Variants in COPE observed in about 807,000 individuals in gnomAD.
The protein encoded by COPE is coatomer subunit epsilon.
Under a neutral mutation model 42.1 loss-of-function variants are expected in COPE, and 19 were observed. The ratio of observed to expected loss-of-function variants is 0.45; its 90% CI spans 0.31 to 0.66. The LOEUF (loss-of-function observed/expected upper bound fraction) is 0.66, where lower values mean the gene tolerates loss of function less well. Ranked by LOEUF, COPE falls within the 30% of genes least tolerant of loss-of-function variation. COPE has a pLI of 0.05. For missense variants in COPE, 402 were observed against 416.1 expected (o/e 0.97, Z 0.30); for synonymous variants, 195 against 181.3 (o/e 1.08, Z -0.60).
intron 3 of COPE, among the ~76,000 whole-genome samples, chr19:18,909,592 C>T (rs571154089): frequency 6.6e-5 from 10 of 151,072 alleles, no homozygotes; most frequent in Non-Finnish European, 1.3e-4. Context: ...GATCTTGGCT[C>T]ACTGCAACCT....
intron 5 of COPE, 86 bp from the exon 6 acceptor site, chr19:18,904,938 C>T (rs188669506): frequency 4.8e-5 from 65 of 1,362,394 alleles, no homozygotes; most frequent in East Asian, 2.8e-4. Context: ...TGGGGCCCAC[C>T]GGAGCCTGGG....
chr19:18,902,086 A>G (rs2056704303), intron 7 of COPE, among the ~76,000 whole-genome samples: 1 of 150,446 alleles, frequency 6.6e-6, no homozygotes, highest in African/African-American at 2.5e-5. Context: ...AGGCTGAGGC[A>G]GGAGAATGGC....
chr19:18,916,533 T>C (rs996403895), intron 1 of COPE, among the ~76,000 whole-genome samples: 1 of 152,084 alleles, frequency 6.6e-6, no homozygotes, highest in Non-Finnish European at 1.5e-5. Flanking sequence ...CTCATGCCTA[T>C]AATCCCAGCA....
In COPE at chr19:18,900,469, C is replaced by T. The variant is rs964079909; in HGVS notation, c.736-20G>A. 42 of 1,541,886 alleles carry T rather than the reference C, an allele frequency of 2.7e-5. No individual in the cohort carries two copies. Among genetic ancestry groups the T allele is most frequent in the Non-Finnish European group, 3.4e-5 (39 of 1,141,274 alleles). ...ACTATCCTGGAGACACAGGCAGACACGGGGAGGCAGGGTCAGCCACTCCAG... is the reference window on the plus strand; with the variant it reads ...ACTATCCTGGAGACACAGGCAGACATGGGGAGGCAGGGTCAGCCACTCCAG... On this transcript the variant is annotated intron_variant, in intron 7 of 9. Transcript: ENST00000262812.
At chr19:18,901,158 G>A (rs766323484) in intron 7 of COPE, among the ~76,000 whole-genome samples, 9 of 152,190 alleles carry the variant, frequency 5.9e-5, no homozygotes, top group African/African-American at 9.7e-5. Flanking sequence ...AGAATGCAGG[G>A]TGACCACAGC....
intron 7 of COPE, among the ~76,000 whole-genome samples, chr19:18,902,995 C>T (rs1034445313): frequency 1.3e-5 from 2 of 151,802 alleles, no homozygotes; most frequent in Admixed American, 6.6e-5. Flanking sequence ...TTGCAGGTCC[C>T]GGGCCAGGCA....
intron 6 of COPE, among the ~76,000 whole-genome samples, chr19:18,904,202 T>C (rs971396837): frequency 2.6e-5 from 4 of 152,216 alleles, no homozygotes; most frequent in Admixed American, 6.5e-5. Flanking sequence ...CAACCTCACA[T>C]GATCCACCCG....
chr19:18,906,210 G>C (rs1467490031), intron 4 of COPE: 3 of 345,134 alleles, frequency 8.7e-6, no homozygotes, highest in African/African-American at 2.1e-5. Context: ...TTGTGTGTGA[G>C]TCAGGGTCTG....
intron 9 of COPE, 23 bp downstream of exon 9, chr19:18,899,850 G>C: frequency 1.2e-6 from 2 of 1,612,112 alleles, no homozygotes; most frequent in Non-Finnish European, 1.7e-6. Context: ...GGTTCTCGGG[G>C]ACAGGCCATC....
intron 6 of COPE, among the ~76,000 whole-genome samples, 182 bp downstream of exon 6, chr19:18,904,589 C>T (rs1216752901): frequency 3.9e-5 from 6 of 152,364 alleles, no homozygotes; most frequent in South Asian, 2.1e-4. Flanking sequence ...CTGGCCAAGT[C>T]GCTTGGCTGT....
At chr19:18,915,194 CAG>C (rs2056843936) in intron 1 of COPE, among the ~76,000 whole-genome samples, 1 of 152,036 alleles carries the variant, frequency 6.6e-6, no homozygotes, top group Non-Finnish European at 1.5e-5. Context: ...GCCTGGGTGA[CAG>C]AGTGAGACCC....
At chr19:18,907,829 T>A (rs888842727) in intron 3 of COPE, among the ~76,000 whole-genome samples, 3 of 152,204 alleles carry the variant, frequency 2.0e-5, no homozygotes, top group African/African-American at 7.2e-5. Flanking sequence ...CCCGTAAGCA[T>A]CCACGCGCAT....
At chr19:18,906,152 G>A (rs905424096) in intron 4 of COPE, 2 of 396,872 alleles carry the variant, frequency 5.0e-6, no homozygotes, top group Non-Finnish European at 4.4e-6. Flanking sequence ...GACCAGCACC[G>A]AGTCGGCCGG....
intron 4 of COPE, chr19:18,906,190 ATTTTC>A (rs2056757627): frequency 8.0e-6 from 3 of 376,290 alleles, no homozygotes; most frequent in Middle Eastern, 6.8e-4. Context: ...ATCCCTATTT[ATTTTC>A]TTTTTTGTGT....
At chr19:18,900,530 C>T in intron 7 of COPE, 81 bp from the exon 8 acceptor site, 1 of 1,124,610 alleles carries the variant, frequency 8.9e-7, no homozygotes, top group Non-Finnish European at 1.3e-6. Context: ...CCTCAGGCAG[C>T]ACCACACAAG....
intron 7 of COPE, 115 bp downstream of exon 7, chr19:18,903,153 G>C: frequency 9.0e-7 from 1 of 1,112,810 alleles, no homozygotes; most frequent in East Asian, 3.1e-5. Context: ...AAGCCCTGTG[G>C]GGCCACACGC....
chr19:18,919,170 A>G, intron 1 of COPE, 53 bp downstream of exon 1: 1 of 1,564,498 alleles, frequency 6.4e-7, no homozygotes, highest in Admixed American at 2.0e-5. Flanking sequence ...CGGCCACCAG[A>G]AAGCGTCCTC....
intron 3 of COPE, among the ~76,000 whole-genome samples, chr19:18,907,668 A>G (rs1265677530): frequency 6.6e-6 from 1 of 152,206 alleles, no homozygotes; most frequent in Non-Finnish European, 1.5e-5. Context: ...CTCAGCTCCG[A>G]GGGCACAGGT....
At chr19:18,902,347 TTAACA>T (rs2056707521) in intron 7 of COPE, among the ~76,000 whole-genome samples, 1 of 150,284 alleles carries the variant, frequency 6.7e-6, no homozygotes, top group Non-Finnish European at 1.5e-5. Context: ...TATTTTTAAT[TTAACA>T]TAACATAAAC....
Sources: gnomAD v4.1 joint callset for allele counts (sites outside exome capture counted in the v4.1 genomes callset) on GRCh38, gnomAD v4.1.1 for gene constraint, MANE v1.5 for transcripts, NCBI Gene and HGNC (gene_info 2026-07-23, HGNC 2026-07-21) for gene names.